DLG1: variants seen among roughly 807,000 people sequenced by gnomAD.
The protein encoded by DLG1 is disks large homolog 1.
DLG1 carries 42 observed loss-of-function variants against 123.4 expected under a neutral mutation model. The observed-to-expected ratio is 0.34, with a 90% CI of 0.27 to 0.44. The LOEUF (loss-of-function observed/expected upper bound fraction) is 0.44. Ranked by LOEUF, DLG1 falls within the 20% of genes least tolerant of loss-of-function variation. The pLI is 1.00. For missense variants in DLG1, 942 were observed against 1,082.6 expected (o/e 0.87, Z 1.82); for synonymous variants, 317 against 356.2 (o/e 0.89, Z 1.24).
rs753370877 is a variant in DLG1 at position 197,116,005 on chromosome 3, T to C, written c.1365A>G (p.Gly455=). 1.2e-6 allele frequency: 2 copies of C among 1,613,382 alleles called. No individual in the cohort carries two copies. The highest frequency in any genetic ancestry group is 8.5e-7 in the Non-Finnish European group (1 of 1,179,740). Residue 455 remains glycine, a synonymous_variant, in exon 13 of 25, where the codon GGA becomes GGG. Coordinates refer to ENST00000667157, the MANE Select transcript of DLG1 (RefSeq NM_001366207.1). ...FNIVGGEDGE[G]IFISFILAGG... ...CGGCTAAGATAAAGGAAATAAATAT[T>C]CCTTCTCCATCTTCTCCTCCTACAA... is the stretch of plus-strand genomic sequence containing the variant.
At chr3:197,070,406 C>T (rs1742837483) in intron 18 of DLG1, 1 of 150,282 alleles carries the variant, frequency 6.7e-6, no homozygotes, top group South Asian at 2.1e-4. Context: ...ACCACCATGC[C>T]CTGCTAAAAT....
chr3:197,297,644 C>T (rs1778149964), intron 1 of DLG1: 8 of 996,746 alleles, frequency 8.0e-6, no homozygotes, highest in Non-Finnish European at 9.6e-6. Flanking sequence ...TGGCCGCCCG[C>T]CCTGCTCGGG....
At chr3:197,137,695 T>G (rs750756058) in intron 9 of DLG1, among the ~76,000 whole-genome samples, 8 of 152,082 alleles carry the variant, frequency 5.3e-5, no homozygotes, top group Non-Finnish European at 8.8e-5. Context: ...TTGGGCCAGG[T>G]GCAGTGGCTC....
intron 4 of DLG1, among the ~76,000 whole-genome samples, chr3:197,281,956 G>C (rs571402386): frequency 1.2e-3 from 183 of 152,246 alleles, no homozygotes; most frequent in African/African-American, 4.2e-3. Context: ...TCACCAAACA[G>C]AAACATCGCA....
At chr3:197,160,855 T>C (rs181788595) in intron 5 of DLG1, among the ~76,000 whole-genome samples, 2 of 152,032 alleles carry the variant, frequency 1.3e-5, no homozygotes, top group Non-Finnish European at 2.9e-5. Context: ...CAAAAAAAAA[T>C]CTATGGGTTC....
chr3:197,268,294 A>G (rs932489434), intron 4 of DLG1, among the ~76,000 whole-genome samples: 2 of 152,356 alleles, frequency 1.3e-5, no homozygotes, highest in African/African-American at 4.8e-5. Flanking sequence ...AGTCTAACCA[A>G]TGTGACATAC....
chr3:197,081,219 T>C lies in DLG1; in HGVS notation c.1839-102A>G, dbSNP rs570435065. ...ATCTTTATAATGGGCATTTTTATAC[T>C]CTAAAACCTTTAAGAGTCATCTAGG... On this transcript the variant is annotated intron_variant, in intron 16 of 24. Coordinates refer to ENST00000667157, the MANE Select transcript of DLG1 (RefSeq NM_001366207.1). The C allele has an allele frequency of 2.8e-6, 3 of 1,059,154 alleles. No individual in the cohort carries two copies. The Admixed American group carries it at 8.0e-5, about 28-fold the overall frequency. The allele number at this position is 1,059,154 out of a possible 1,614,324, so 65.6% of individuals were successfully genotyped here.
chr3:197,141,695 T>C (rs948330316), intron 7 of DLG1, among the ~76,000 whole-genome samples: 3 of 152,200 alleles, frequency 2.0e-5, no homozygotes, highest in African/African-American at 7.2e-5. Flanking sequence ...ATTACTATTA[T>C]AACATACAAT....
At chr3:197,147,437 C>CACACAG (rs1242268818) in intron 6 of DLG1, among the ~76,000 whole-genome samples, 2 of 30,030 alleles carry the variant, frequency 6.7e-5, no homozygotes, top group African/African-American at 3.2e-4. Flanking sequence ...GGTGTGCACA[C>CACACAG]ACACACACAC....
At chr3:197,283,361 CA>C (rs1020905398) in intron 3 of DLG1, among the ~76,000 whole-genome samples, 12 of 147,644 alleles carry the variant, frequency 8.1e-5, no homozygotes, top group Non-Finnish European at 1.3e-4. Context: ...AAGCCAAAGC[CA>C]AAAAAAAAGA....
chr3:197,129,115 C>A (rs142063940), intron 11 of DLG1, among the ~76,000 whole-genome samples: 2 of 152,336 alleles, frequency 1.3e-5, no homozygotes, highest in African/African-American at 4.8e-5. Context: ...AAGTCAGGCA[C>A]TGACTTATCC....
chr3:197,207,175 CAA>C (rs1335182365), intron 4 of DLG1, among the ~76,000 whole-genome samples: 2 of 152,256 alleles, frequency 1.3e-5, no homozygotes, highest in South Asian at 2.1e-4. Flanking sequence ...GCTCTTTACG[CAA>C]AGTTTGTCCT....
chr3:197,269,029 C>G (rs1019505067), intron 4 of DLG1, among the ~76,000 whole-genome samples: 3 of 152,158 alleles, frequency 2.0e-5, no homozygotes, highest in Admixed American at 1.3e-4. Flanking sequence ...AAAACAATGT[C>G]TTCTTCTGGA....
At chr3:197,158,633 T>C (rs1797431196) in intron 5 of DLG1, among the ~76,000 whole-genome samples, 1 of 17,540 alleles carries the variant, frequency 5.7e-5, no homozygotes, top group Non-Finnish European at 1.2e-4. Context: ...AAACTCCATT[T>C]CAAAAAAAAA....
At chr3:197,111,424 G>A (rs147880878) in intron 13 of DLG1, among the ~76,000 whole-genome samples, 6 of 152,310 alleles carry the variant, frequency 3.9e-5, no homozygotes, top group African/African-American at 1.4e-4. Flanking sequence ...TGGACACAAA[G>A]TGTGAAGTGA....
intron 15 of DLG1, among the ~76,000 whole-genome samples, chr3:197,090,506 G>C (rs1274080798): frequency 6.6e-6 from 1 of 151,936 alleles, no homozygotes; most frequent in Non-Finnish European, 1.5e-5. Flanking sequence ...ATTTACATAT[G>C]CCTCCTTTGC....
At chr3:197,245,949 A>G (rs1416448643) in intron 4 of DLG1, among the ~76,000 whole-genome samples, 1 of 146,110 alleles carries the variant, frequency 6.8e-6, no homozygotes, top group African/African-American at 2.6e-5. Context: ...CTGGGTGATT[A>G]ATTAACTGTG....
intron 7 of DLG1, among the ~76,000 whole-genome samples, chr3:197,140,698 T>C (rs1425532324): frequency 6.6e-6 from 1 of 152,212 alleles, no homozygotes; most frequent in Non-Finnish European, 1.5e-5. Context: ...TATACTGTTT[T>C]AGCCTTTAAA....
chr3:197,261,437 G>A (rs1394405996), intron 4 of DLG1, among the ~76,000 whole-genome samples: 1 of 152,184 alleles, frequency 6.6e-6, no homozygotes, highest in Admixed American at 6.5e-5. Context: ...GTGAGATCCT[G>A]TCTGTAAAAA....
Sources: gnomAD v4.1 joint callset for allele counts (sites outside exome capture counted in the v4.1 genomes callset) on GRCh38, gnomAD v4.1.1 for gene constraint, MANE v1.5 for transcripts, NCBI Gene and HGNC (gene_info 2026-07-23, HGNC 2026-07-21) for gene names.